The following ANK1 variants were observed in gnomAD, a reference collection of about 807,000 sequenced individuals.
The protein encoded by ANK1 is ankyrin-1.
Under a neutral mutation model 210.4 loss-of-function variants are expected in ANK1, and 51 were observed. That is an observed-to-expected ratio of 0.24 (90% CI 0.19 to 0.31). The LOEUF (loss-of-function observed/expected upper bound fraction) is 0.31. ANK1 is among the 10% of genes least tolerant of loss of function. The probability of loss-of-function intolerance (pLI) is 1.00; values close to 1 mark genes in which losing one functional copy is unlikely to be tolerated. For missense variants in ANK1, 2,051 were observed against 2,504.4 expected (o/e 0.82, Z 3.86); for synonymous variants, 967 against 1,025.9 (o/e 0.94, Z 1.10).
At position 41,702,150 on chromosome 8, in the gene ANK1, G is replaced by C; in HGVS notation, c.2296-6C>G. ...GCCAGAGGTGTGGTTCCATCCTGGG[G>C]AAAGAGCAGCCCGGGTGCAGTCAGA... On this transcript the variant is annotated splice_polypyrimidine_tract_variant and splice_region_variant and intron_variant, in intron 20 of 42. Coordinates refer to ENST00000289734, the MANE Select transcript of ANK1 (RefSeq NM_000037.4). 1 of 1,613,196 alleles carries C rather than the reference G, an allele frequency of 6.2e-7. No homozygotes were observed. The highest frequency in any genetic ancestry group is 8.5e-7 in the Non-Finnish European group (1 of 1,179,240).
intron 1 of ANK1, among the ~76,000 whole-genome samples, chr8:41,791,631 C>T (rs757523937): frequency 1.3e-5 from 2 of 152,150 alleles, no homozygotes; most frequent in Non-Finnish European, 2.9e-5. Context: ...TGGGGTTTCA[C>T]CACGTTGACC....
chr8:41,773,883 G>A (rs985383039), intron 1 of ANK1, among the ~76,000 whole-genome samples: 10 of 152,166 alleles, frequency 6.6e-5, no homozygotes, highest in South Asian at 2.1e-4. Flanking sequence ...GCAAGCCTGC[G>A]GGGGACAGGA....
In ANK1 at chr8:41,725,771, A is replaced by T; in HGVS notation, c.602T>A (p.Val201Glu). The change falls in exon 6 of 43, where the codon GTG (valine) becomes GAG (glutamate). Residue 201 changes from valine to glutamate, a missense_variant. Val to Glu is a moderately radical substitution (Grantham distance 121, BLOSUM62 -2). Transcript: ENST00000289734. ...CCTCCTCGCCCTCACCTTGGAAAGC[A>T]CGTCCGGGTTGGGGTCGTTCTGCAG... ...VLLQNDPNPD[V>E]LSKTGFTPLH... 6.2e-7 allele frequency: 1 copy of T among 1,610,530 alleles called. No individual in the cohort carries two copies. Among genetic ancestry groups the T allele is most frequent in the South Asian group, 1.1e-5 (1 of 90,738 alleles).
chr8:41,663,935 C>T, intron 39 of ANK1, 193 bp from the exon 40 acceptor site: 1 of 666,466 alleles, frequency 1.5e-6, no homozygotes, highest in Non-Finnish European at 2.7e-6. Context: ...CCCTGAGGGT[C>T]TGGGAGGCCT....
At chr8:41,822,561 G>A (rs1448970337) in intron 1 of ANK1, among the ~76,000 whole-genome samples, 1 of 152,112 alleles carries the variant, frequency 6.6e-6, no homozygotes, top group East Asian at 1.9e-4. Flanking sequence ...CAACAAAATA[G>A]AAATTTTTAA....
At chr8:41,799,243 A>G (rs1849470534), upstream of ANK1, among the ~76,000 whole-genome samples, 1 of 152,158 alleles carries the variant, frequency 6.6e-6, no homozygotes. Context: ...GTCACATTAG[A>G]CATGATTTCA....
chr8:41,813,974 A>C (rs1802889807), intron 1 of ANK1, among the ~76,000 whole-genome samples: 1 of 152,244 alleles, frequency 6.6e-6, no homozygotes, highest in Non-Finnish European at 1.5e-5. Context: ...ATTCCAGTCA[A>C]AGCATTGGTA....
At position 41,718,096 on chromosome 8, in the gene ANK1, T is replaced by C. The variant is rs2150640773; in HGVS notation, c.1206+10A>G. ...GGCCTGCCCCCAGGCTCCTCTGCAG[T>C]CTCTCCTACCTCGGTGACCGCGTCG... On this transcript the variant is annotated intron_variant, in intron 11 of 42. Transcript: ENST00000289734. The C allele has an allele frequency of 6.2e-7, 1 of 1,613,378 alleles. No homozygotes were observed. The highest frequency in any genetic ancestry group is 8.5e-7 in the Non-Finnish European group (1 of 1,179,774).
At chr8:41,895,110 G>C (rs1820221307) in intron 1 of ANK1, among the ~76,000 whole-genome samples, 1 of 152,174 alleles carries the variant, frequency 6.6e-6, no homozygotes, top group Admixed American at 6.5e-5. Flanking sequence ...AGGGGTGTGT[G>C]ACCCACAGAC....
intron 26 of ANK1, among the ~76,000 whole-genome samples, chr8:41,695,925 C>T (rs940763266): frequency 2.6e-5 from 4 of 151,584 alleles, no homozygotes; most frequent in Non-Finnish European, 5.9e-5. Context: ...GTACTTCCCT[C>T]GTCCTCAGGG....
intron 1 of ANK1, among the ~76,000 whole-genome samples, chr8:41,787,938 C>T (rs1263592023): frequency 6.6e-6 from 1 of 152,130 alleles, no homozygotes; most frequent in Non-Finnish European, 1.5e-5. Context: ...CCACCCTGCC[C>T]CCCAGTACCC....
chr8:41,659,502 T>G (rs1337547613), intron 42 of ANK1, among the ~76,000 whole-genome samples: 3 of 152,172 alleles, frequency 2.0e-5, no homozygotes, highest in African/African-American at 7.2e-5. Flanking sequence ...GCAGAATCCG[T>G]GAATGATGAG....
intron 1 of ANK1, among the ~76,000 whole-genome samples, chr8:41,886,577 A>G (rs547044010): frequency 6.6e-6 from 1 of 152,220 alleles, no homozygotes; most frequent in Non-Finnish European, 1.5e-5. Flanking sequence ...CATCTAGGAC[A>G]CTGGAGGCAA....
intron 20 of ANK1, among the ~76,000 whole-genome samples, chr8:41,703,272 C>G (rs1823365264): frequency 6.6e-6 from 1 of 151,526 alleles, no homozygotes; most frequent in Non-Finnish European, 1.5e-5. Context: ...AGATCAGGAA[C>G]CACCCAGGAC....
intron 1 of ANK1, among the ~76,000 whole-genome samples, chr8:41,853,662 C>T (rs1224554696): frequency 6.6e-6 from 1 of 152,192 alleles, no homozygotes; most frequent in Non-Finnish European, 1.5e-5. Flanking sequence ...TCCCTACCCC[C>T]ACCGCCTTAT....
chr8:41,778,866 A>C (rs1383103607), intron 1 of ANK1, among the ~76,000 whole-genome samples: 1 of 152,238 alleles, frequency 6.6e-6, no homozygotes, highest in Non-Finnish European at 1.5e-5. Context: ...AGGATCCGAC[A>C]CTGAACACAC....
chr8:41,763,882 T>TTTTTTTC (rs1841075172), intron 1 of ANK1, among the ~76,000 whole-genome samples: 1 of 104,856 alleles, frequency 9.5e-6, no homozygotes, highest in African/African-American at 3.5e-5. Context: ...TCTTTTTTTC[T>TTTTTTTC]TTTTTTCTTT....
chr8:41,659,868 C>A (rs2150536231), intron 42 of ANK1, among the ~76,000 whole-genome samples: 1 of 152,130 alleles, frequency 6.6e-6, no homozygotes, highest in East Asian at 1.9e-4. Context: ...TCACTTACGG[C>A]AAATTAAAAT....
intron 1 of ANK1, among the ~76,000 whole-genome samples, chr8:41,796,848 A>G (rs1272048782): frequency 6.6e-6 from 1 of 152,026 alleles, no homozygotes; most frequent in Non-Finnish European, 1.5e-5. Context: ...GGTTCTATCT[A>G]CACAGGGAGA....
Sources: allele counts gnomAD v4.1 joint callset (sites outside exome capture counted in the v4.1 genomes callset), GRCh38; gene constraint gnomAD v4.1.1; transcripts MANE v1.5; gene names NCBI Gene and HGNC (gene_info 2026-07-23, HGNC 2026-07-21).